The following PAWR variants were observed in gnomAD, a reference collection of about 807,000 sequenced individuals.
PAWR encodes PRKC apoptosis WT1 regulator protein.
Under a neutral mutation model 32.0 loss-of-function variants are expected in PAWR, and 23 were observed. The observed-to-expected ratio is 0.72, with a 90% CI of 0.52 to 1.02. The LOEUF (loss-of-function observed/expected upper bound fraction) is 1.02. Among genes scored for constraint, PAWR ranks in the 50% least tolerant of loss-of-function variants. The pLI, the probability that PAWR is intolerant of heterozygous loss-of-function variation, is 0.00. For missense variants in PAWR, 457 were observed against 437.7 expected (o/e 1.04, Z -0.39); for synonymous variants, 226 against 187.1 (o/e 1.21, Z -1.70).
chr12:79,622,854 C>T (rs1441460802), intron 2 of PAWR, among the ~76,000 whole-genome samples: 1 of 152,120 alleles, frequency 6.6e-6, no homozygotes, highest in Non-Finnish European at 1.5e-5. Flanking sequence ...CCAGCATACA[C>T]AAGCTAACGT....
chr12:79,641,022 T>C (rs1015169848), intron 2 of PAWR, among the ~76,000 whole-genome samples: 1 of 152,232 alleles, frequency 6.6e-6, no homozygotes. Flanking sequence ...AAAAATTTAA[T>C]CCTAATTTTA....
intron 2 of PAWR, among the ~76,000 whole-genome samples, chr12:79,659,774 T>C (rs995514511): frequency 1.3e-5 from 2 of 152,328 alleles, no homozygotes; most frequent in African/African-American, 2.4e-5. Context: ...TATTTTGTGG[T>C]ATTTGGAAAA....
chr12:79,684,110 C>T (rs966255533), intron 2 of PAWR, among the ~76,000 whole-genome samples: 2 of 152,052 alleles, frequency 1.3e-5, no homozygotes, highest in African/African-American at 2.4e-5. Flanking sequence ...AACCACTGAA[C>T]TGTACACTTT....
intron 2 of PAWR, among the ~76,000 whole-genome samples, chr12:79,681,199 T>G (rs948072774): frequency 2.6e-5 from 4 of 151,046 alleles, no homozygotes; most frequent in Admixed American, 2.0e-4. Flanking sequence ...TATCTAAGAC[T>G]ATTTATGGGC....
intron 4 of PAWR, among the ~76,000 whole-genome samples, chr12:79,607,952 G>A (rs1202475725): frequency 6.6e-6 from 1 of 151,322 alleles, no homozygotes; most frequent in Non-Finnish European, 1.5e-5. Flanking sequence ...AGGAGCCTGA[G>A]GCAGGAGAAT....
chr12:79,627,302 T>C (rs537864784), intron 2 of PAWR, among the ~76,000 whole-genome samples: 2 of 152,340 alleles, frequency 1.3e-5, no homozygotes, highest in South Asian at 4.1e-4. Flanking sequence ...TGAGATGGTA[T>C]CTCATTGTGG....
intron 2 of PAWR, among the ~76,000 whole-genome samples, chr12:79,633,541 A>T (rs1268463112): frequency 6.6e-6 from 1 of 152,120 alleles, no homozygotes; most frequent in Non-Finnish European, 1.5e-5. Context: ...TTTCTTTTAT[A>T]AACAGCCCTT....
Position 79,587,464 on chromosome 12 carries a change from G to C in PAWR, c.*5143C>G, listed in dbSNP as rs1444715883. 1 of 151,978 alleles carries C rather than the reference G, an allele frequency of 6.6e-6. No homozygotes were observed. Among genetic ancestry groups the C allele is most frequent in the Non-Finnish European group, 1.5e-5 (1 of 67,890 alleles). 9.4% of individuals were successfully genotyped at this position (151,978 alleles called of 1,614,324 possible). ...AATTCTTTGGACACCATCAGATTTA[G>C]TTTATAAGAGTTCTGATTTTGAATC... On this transcript the variant is annotated 3_prime_UTR_variant, in exon 7 of 7. Coordinates refer to ENST00000328827, the MANE Select transcript of PAWR (RefSeq NM_002583.4).
chr12:79,599,106 A>C (rs1438461647), intron 4 of PAWR, among the ~76,000 whole-genome samples: 1 of 152,196 alleles, frequency 6.6e-6, no homozygotes, highest in Admixed American at 6.5e-5. Context: ...TCAGACAAAA[A>C]GCTAACTCAC....
At chr12:79,598,882 G>A (rs561491860) in intron 4 of PAWR, among the ~76,000 whole-genome samples, 42 of 152,112 alleles carry the variant, frequency 2.8e-4, no homozygotes, top group South Asian at 1.9e-3. Flanking sequence ...GATTACAGGC[G>A]CCTGCCACCA....
intron 2 of PAWR, among the ~76,000 whole-genome samples, chr12:79,670,718 C>T (rs960375490): frequency 4.6e-5 from 7 of 151,944 alleles, no homozygotes; most frequent in African/African-American, 1.5e-4. Flanking sequence ...AATATTAAAA[C>T]TTCAGTTCAC....
At chr12:79,611,203 T>C (rs1006693342) in intron 4 of PAWR, among the ~76,000 whole-genome samples, 2 of 146,414 alleles carry the variant, frequency 1.4e-5, no homozygotes, top group Non-Finnish European at 3.0e-5. Flanking sequence ...TAGATATTTA[T>C]ATATAAAACT....
chr12:79,690,033 T>C lies in PAWR; in HGVS notation c.212A>G (p.Asn71Ser), dbSNP rs899090496. ...PAAAAANELNNNLPGGAPAAP... is the reference protein window; with the variant it reads ...PAAAAANELNSNLPGGAPAAP... ...GGCCGGCGCGCCGCCCGGGAGGTTG[T>C]TGTTGAGCTCGTTGGCAGCGGCGGC... is the stretch of plus-strand genomic sequence containing the variant. The change falls in exon 2 of 7, where the codon AAC becomes AGC. Residue 71 changes from asparagine to serine, a missense_variant. By Grantham distance (46) the Asn-to-Ser change is conservative. Coordinates refer to ENST00000328827, the MANE Select transcript of PAWR (RefSeq NM_002583.4). 6 of 1,336,324 alleles carry C rather than the reference T, an allele frequency of 4.5e-6. No homozygotes were observed. Among genetic ancestry groups the C allele is most frequent in the Non-Finnish European group, 5.7e-6 (6 of 1,052,058 alleles). The allele number at this position is 1,336,324 out of a possible 1,614,324, so 82.8% of individuals were successfully genotyped here.
intron 4 of PAWR, among the ~76,000 whole-genome samples, chr12:79,600,264 C>A (rs1415390307): frequency 6.6e-6 from 1 of 152,040 alleles, no homozygotes; most frequent in African/African-American, 2.4e-5. Context: ...TCAAAAAAGT[C>A]CAGTAAAGTT....
chr12:79,604,781 C>T lies in PAWR; in HGVS notation c.684-8123G>A, dbSNP rs8176901. ...CAACAACTAAAAATCAAAATCAACT[C>T]CCATTATATTAAACTCTCATAACTC... On this transcript the variant is annotated intron_variant, in intron 4 of 6. Transcript: ENST00000328827. 15 of 831,132 alleles carry T rather than the reference C, an allele frequency of 1.8e-5. 1 individual carries two copies. Among genetic ancestry groups the T allele is most frequent in the Admixed American group, 1.6e-4 (6 of 37,066 alleles). 51.5% of individuals were successfully genotyped at this position (831,132 alleles called of 1,614,324 possible).
rs1163766344 is a variant in PAWR at position 79,614,774 on chromosome 12, A to G, written c.649-1165T>C. 3.3e-5 allele frequency among the ~76,000 whole-genome samples: 5 copies of G among 152,206 alleles called. No homozygotes were observed. In the East Asian group the frequency reaches 5.8e-4, roughly 18 times the overall value. On this transcript the variant is annotated intron_variant, in intron 3 of 6. Transcript: ENST00000328827. ...TTATAAGATAACCAGTTCCAGAGTA[A>G]AAGAGTAAATACTGACTGCATGATG...
chr12:79,654,427 T>A (rs1876998046), intron 2 of PAWR, among the ~76,000 whole-genome samples: 1 of 151,902 alleles, frequency 6.6e-6, no homozygotes, highest in Admixed American at 6.6e-5. Flanking sequence ...TAGCTTTTTT[T>A]TTTGTACCCT....
chr12:79,639,132 C>T (rs1043269993), intron 2 of PAWR, among the ~76,000 whole-genome samples: 8 of 150,150 alleles, frequency 5.3e-5, no homozygotes, highest in Non-Finnish European at 1.0e-4. Context: ...AGGCTGGTCT[C>T]GAACACCTGA....
intron 2 of PAWR, among the ~76,000 whole-genome samples, chr12:79,655,837 A>G (rs367822863): frequency 2.0e-5 from 3 of 152,260 alleles, no homozygotes; most frequent in East Asian, 1.9e-4. Flanking sequence ...GACAAAGTCA[A>G]TACAAAAATA....
Sources: gnomAD v4.1 joint callset for allele counts (sites outside exome capture counted in the v4.1 genomes callset) on GRCh38, gnomAD v4.1.1 for gene constraint, MANE v1.5 for transcripts, NCBI Gene and HGNC (gene_info 2026-07-23, HGNC 2026-07-21) for gene names.